USP53: variants seen among roughly 807,000 people sequenced by gnomAD.
USP53 encodes the protein ubiquitin specific peptidase 53.
Under a neutral mutation model 94.9 loss-of-function variants are expected in USP53, and 71 were observed. The ratio of observed to expected loss-of-function variants is 0.75; its 90% CI spans 0.62 to 0.91. The LOEUF (loss-of-function observed/expected upper bound fraction) is 0.91, where lower values mean the gene tolerates loss of function less well. Among genes scored for constraint, USP53 ranks in the 40% least tolerant of loss-of-function variants. The pLI is 0.00. For missense variants in USP53, 1,173 were observed against 1,281.0 expected (o/e 0.92, Z 1.29); for synonymous variants, 375 against 422.7 (o/e 0.89, Z 1.39).
At position 119,266,331 on chromosome 4, in the gene USP53, G is replaced by A. The variant is rs1441646148; in HGVS notation, c.973-989G>A. The A allele has an allele frequency of 6.6e-6, 3 of 456,198 alleles. 1 individual carries two copies. The highest frequency in any genetic ancestry group is 4.4e-6 in the Non-Finnish European group (1 of 226,922). The allele number at this position is 456,198 out of a possible 1,614,324, so 28.3% of individuals were successfully genotyped here. ...CCTTGAAGTGGGATTTCTGGGTTGT[G>A]TGGTAAGTGTCTGTTTAACTTTACA... On this transcript the variant is annotated intron_variant, in intron 12 of 18. Transcript: ENST00000692078.
chr4:119,248,952 A>G (rs1156411119), intron 7 of USP53, 70 bp downstream of exon 7: 1 of 1,556,508 alleles, frequency 6.4e-7, no homozygotes, highest in East Asian at 2.3e-5. Context: ...ACAAGTGTTG[A>G]GACAAATGAA....
intron 17 of USP53, among the ~76,000 whole-genome samples, chr4:119,280,911 A>G (rs1221816463): frequency 6.6e-6 from 1 of 152,252 alleles, no homozygotes; most frequent in Admixed American, 6.5e-5. Flanking sequence ...CCACTTCTGT[A>G]TCATTGACCA....
intron 3 of USP53, among the ~76,000 whole-genome samples, chr4:119,224,371 CAGTGTTAATA>C: frequency 6.6e-6 from 1 of 152,348 alleles, no homozygotes; most frequent in Middle Eastern, 3.4e-3. Flanking sequence ...TTATATTACA[CAGTGTTAATA>C]ATGAATTGTC....
Position 119,265,736 on chromosome 4 carries a change from T to G in USP53, c.973-1584T>G, listed in dbSNP as rs561378815. ...TCCTCAAGTCTCTTGGAATCCCCAG[T>G]GAGGAGGGTAAACAGCTGAATATGT... On this transcript the variant is annotated intron_variant, in intron 12 of 18. Coordinates refer to ENST00000692078, the MANE Select transcript of USP53 (RefSeq NM_001371395.1). Among the ~76,000 whole-genome samples, 4 of 152,144 alleles carry G rather than the reference T, an allele frequency of 2.6e-5. No individual in the cohort carries two copies. The South Asian group carries it at 8.3e-4, about 32-fold the overall frequency.
chr4:119,220,725 A>G (rs559655000), intron 3 of USP53: 3 of 152,354 alleles, frequency 2.0e-5, no homozygotes, highest in East Asian at 1.9e-4. Context: ...AAAATTATTC[A>G]TGACAATTGT....
At chr4:119,228,724 A>G (rs941339492) in intron 3 of USP53, among the ~76,000 whole-genome samples, 1 of 152,134 alleles carries the variant, frequency 6.6e-6, no homozygotes, top group African/African-American at 2.4e-5. Flanking sequence ...CTGTACACTA[A>G]TGGGATGAAT....
intron 3 of USP53, among the ~76,000 whole-genome samples, chr4:119,225,279 A>C (rs60549645): frequency 6.6e-6 from 1 of 152,102 alleles, no homozygotes; most frequent in Non-Finnish European, 1.5e-5. Flanking sequence ...CTTTCTATCA[A>C]AGAGATTTAA....
intron 3 of USP53, among the ~76,000 whole-genome samples, chr4:119,223,866 G>A (rs894129881): frequency 1.3e-5 from 2 of 152,210 alleles, no homozygotes; most frequent in Non-Finnish European, 2.9e-5. Context: ...AAAAAAGTTA[G>A]TTTAGTTTAG....
At chr4:119,252,803 C>G (rs1477593711) in intron 7 of USP53, among the ~76,000 whole-genome samples, 1 of 152,084 alleles carries the variant, frequency 6.6e-6, no homozygotes, top group Non-Finnish European at 1.5e-5. Context: ...TCTTGCTTCT[C>G]TTGTTCCTTT....
At chr4:119,255,621 C>T (rs1173008187) in intron 7 of USP53, among the ~76,000 whole-genome samples, 1 of 152,172 alleles carries the variant, frequency 6.6e-6, no homozygotes, top group Non-Finnish European at 1.5e-5. Context: ...AGTATTTCGG[C>T]AGGAGTGTAT....
At chr4:119,269,493 T>TA (rs1751582631) in intron 14 of USP53, among the ~76,000 whole-genome samples, 198 bp from the exon 15 acceptor site, 1 of 152,204 alleles carries the variant, frequency 6.6e-6, no homozygotes, top group South Asian at 2.1e-4. Flanking sequence ...CAAGGAGTTT[T>TA]AAAATACAAC....
At chr4:119,281,720 C>T (rs1239651583) in intron 17 of USP53, among the ~76,000 whole-genome samples, 11 of 152,110 alleles carry the variant, frequency 7.2e-5, no homozygotes, top group Admixed American at 6.6e-4. Flanking sequence ...TTTTGATGGT[C>T]AGAAGTGCAT....
intron 17 of USP53, among the ~76,000 whole-genome samples, chr4:119,280,356 G>A (rs921960959): frequency 6.6e-6 from 1 of 151,810 alleles, no homozygotes; most frequent in African/African-American, 2.4e-5. Context: ...TGTCTATGGT[G>A]GCTTGTTAAC....
rs1258261090 is a variant in USP53 at position 119,293,033 on chromosome 4, A to T, written c.3044A>T (p.Asp1015Val). ...NDFQANSGAI[D>V]AFCQPELDSI... ...TTTCAGGCAAACTCAGGTGCCATTG[A>T]TGCATTTTGCCAACCAGAACTAGAC... is the stretch of plus-strand genomic sequence containing the variant. Residue 1015 changes from aspartate (D) to valine (V), a missense_variant, in exon 19 of 19, where the codon GAT becomes GTT. Coordinates refer to ENST00000692078, the MANE Select transcript of USP53 (RefSeq NM_001371395.1). 1 of 1,614,108 alleles carries T rather than the reference A, an allele frequency of 6.2e-7. No individual in the cohort carries two copies. Among genetic ancestry groups the T allele is most frequent in the Admixed American group, 1.7e-5 (1 of 60,006 alleles).
chr4:119,240,839 A>T (rs1185011088), intron 5 of USP53, among the ~76,000 whole-genome samples: 1 of 152,160 alleles, frequency 6.6e-6, no homozygotes, highest in African/African-American at 2.4e-5. Context: ...AGCAGTTGGT[A>T]TTAAGAAAGC....
chr4:119,225,443 A>G (rs78222884), intron 3 of USP53, among the ~76,000 whole-genome samples: 7,249 of 152,150 alleles, frequency 0.048, 598 homozygotes, highest in African/African-American at 0.17. Context: ...TCACTTTATG[A>G]GATGATTATA....
In USP53 at chr4:119,294,836, G is replaced by C. The variant is rs1306383447; in HGVS notation, c.*1625G>C. 6.6e-6 allele frequency: 1 copy of C among 151,966 alleles called. No individual in the cohort carries two copies. Among genetic ancestry groups the C allele is most frequent in the South Asian group, 2.1e-4 (1 of 4,824 alleles). 9.4% of individuals were successfully genotyped at this position (151,966 alleles called of 1,614,324 possible). ...TGAGTGATCATTACTTTATATTCTCGTAAGTTAGAAATACTTGAATGCCAA... is the reference window on the plus strand; with the variant it reads ...TGAGTGATCATTACTTTATATTCTCCTAAGTTAGAAATACTTGAATGCCAA... On this transcript the variant is annotated 3_prime_UTR_variant, in exon 19 of 19. Coordinates refer to ENST00000692078, the MANE Select transcript of USP53 (RefSeq NM_001371395.1).
chr4:119,245,196 A>T, intron 5 of USP53, 141 bp from the exon 6 acceptor site: 2 of 660,586 alleles, frequency 3.0e-6, no homozygotes, highest in Non-Finnish European at 5.3e-6. Flanking sequence ...TCCAGTGGTT[A>T]TGTGTGTCTG....
chr4:119,227,245 T>TTGTCTAAC (rs1745374688), intron 3 of USP53, among the ~76,000 whole-genome samples: 1 of 76,860 alleles, frequency 1.3e-5, no homozygotes, highest in Admixed American at 1.4e-4. Context: ...ATCCAAAGCC[T>TTGTCTAAC]TGTCTAACAC....
Sources: gnomAD v4.1 joint callset for allele counts (sites outside exome capture counted in the v4.1 genomes callset) on GRCh38, gnomAD v4.1.1 for gene constraint, MANE v1.5 for transcripts, NCBI Gene and HGNC (gene_info 2026-07-23, HGNC 2026-07-21) for gene names.